The following SEMA6D variants were observed in gnomAD, a reference collection of about 807,000 sequenced individuals.
SEMA6D encodes the protein semaphorin-6D.
A neutral mutation model predicts 106.6 loss-of-function variants in SEMA6D; 35 were observed. That is an observed-to-expected ratio of 0.33 (90% CI 0.25 to 0.44). The LOEUF (loss-of-function observed/expected upper bound fraction) is 0.44, where lower values mean the gene tolerates loss of function less well. SEMA6D is among the 20% of genes least tolerant of loss of function. The pLI, the probability that SEMA6D is intolerant of heterozygous loss-of-function variation, is 1.00. For missense variants in SEMA6D, 1,185 were observed against 1,345.9 expected (o/e 0.88, Z 1.87); for synonymous variants, 499 against 487.7 (o/e 1.02, Z -0.31).
chr15:47,572,692 C>T (rs1220664112), intron 3 of SEMA6D, among the ~76,000 whole-genome samples: 1 of 152,150 alleles, frequency 6.6e-6, no homozygotes, highest in Non-Finnish European at 1.5e-5. Context: ...CACTTTCTTC[C>T]AATACAAGAA....
chr15:47,721,899 C>T (rs369753933), intron 1 of SEMA6D, among the ~76,000 whole-genome samples: 15 of 152,224 alleles, frequency 9.9e-5, no homozygotes, highest in African/African-American at 3.4e-4. Flanking sequence ...TCCTTGGCTA[C>T]AACAGGCTGC....
rs141720089 is a variant in SEMA6D at position 47,403,716 on chromosome 15, C to G, written c.-238-8677C>G. On this transcript the variant is annotated intron_variant, in intron 1 of 19. Transcript: ENST00000558014. ...GGGAGAGGTTAGGGAAAGAAGGGCC[C>G]TTCTAGTTAGAAGCAATAACATAGT... 1.4e-3 allele frequency among the ~76,000 whole-genome samples: 215 copies of G among 152,162 alleles called. 1 individual carries two copies. The highest frequency in any genetic ancestry group is 5.1e-3 in the African/African-American group (212 of 41,520).
At chr15:47,397,272 A>T (rs905446158) in intron 1 of SEMA6D, among the ~76,000 whole-genome samples, 4 of 152,204 alleles carry the variant, frequency 2.6e-5, no homozygotes, top group South Asian at 2.1e-4. Context: ...TCAGGCTAGA[A>T]ATACCAATCA....
chr15:47,350,910 A>G (rs1452593550), intron 1 of SEMA6D, among the ~76,000 whole-genome samples: 1 of 152,152 alleles, frequency 6.6e-6, no homozygotes. Context: ...TATGTATGAC[A>G]TGCTGGTTTG....
chr15:47,612,549 T>C (rs940386169), intron 4 of SEMA6D, among the ~76,000 whole-genome samples: 66 of 152,316 alleles, frequency 4.3e-4, no homozygotes, highest in African/African-American at 1.6e-3. Flanking sequence ...TTATTACTTC[T>C]TTTCTCTAAT....
intron 3 of SEMA6D, among the ~76,000 whole-genome samples, chr15:47,536,405 C>T (rs1293158351): frequency 6.6e-6 from 1 of 152,192 alleles, no homozygotes; most frequent in Non-Finnish European, 1.5e-5. Flanking sequence ...GAAAGGGTAT[C>T]CATTCTTATT....
chr15:47,247,825 G>A (rs1215546519), intron 1 of SEMA6D, among the ~76,000 whole-genome samples: 1 of 152,142 alleles, frequency 6.6e-6, no homozygotes, highest in African/African-American at 2.4e-5. Flanking sequence ...TTATCAGACC[G>A]TGTGGGGTCA....
intron 4 of SEMA6D, among the ~76,000 whole-genome samples, chr15:47,623,596 G>A (rs986723857): frequency 6.6e-6 from 1 of 152,182 alleles, no homozygotes; most frequent in African/African-American, 2.4e-5. Flanking sequence ...GCAGTAGTTT[G>A]TGAAGAGCAG....
intron 1 of SEMA6D, among the ~76,000 whole-genome samples, chr15:47,727,536 T>C (rs1377759886): frequency 4.6e-5 from 7 of 152,168 alleles, no homozygotes; most frequent in Non-Finnish European, 1.0e-4. Flanking sequence ...GGCCACTCAG[T>C]AGTAGATCTA....
intron 4 of SEMA6D, among the ~76,000 whole-genome samples, chr15:47,668,582 C>T (rs62000832): frequency 3.7e-4 from 56 of 152,342 alleles, no homozygotes; most frequent in South Asian, 1.7e-3. Context: ...AAGCCAAAGG[C>T]ATGCCTGAAC....
chr15:47,451,991 C>T (rs544240835), intron 2 of SEMA6D, among the ~76,000 whole-genome samples: 63 of 152,040 alleles, frequency 4.1e-4, no homozygotes, highest in African/African-American at 1.4e-3. Context: ...CCCACCTGAT[C>T]GCGTCTTTTT....
At chr15:47,534,380 A>G (rs2045083691) in intron 3 of SEMA6D, among the ~76,000 whole-genome samples, 1 of 151,812 alleles carries the variant, frequency 6.6e-6, no homozygotes, top group African/African-American at 2.4e-5. Flanking sequence ...ATGAGGTTTC[A>G]CCATATTGGC....
intron 4 of SEMA6D, among the ~76,000 whole-genome samples, chr15:47,688,083 C>G (rs1231986395): frequency 6.6e-6 from 1 of 151,882 alleles, no homozygotes; most frequent in Non-Finnish European, 1.5e-5. Flanking sequence ...TATGTAGTAA[C>G]TAAAACCATG....
At chr15:47,592,797 A>C (rs998602501) in intron 3 of SEMA6D, among the ~76,000 whole-genome samples, 10 of 152,334 alleles carry the variant, frequency 6.6e-5, no homozygotes, top group Middle Eastern at 3.4e-3. Context: ...AATACATTGC[A>C]TCCAATGATT....
At chr15:47,538,497 T>C (rs2142168993) in intron 3 of SEMA6D, among the ~76,000 whole-genome samples, 1 of 152,270 alleles carries the variant, frequency 6.6e-6, no homozygotes, top group East Asian at 1.9e-4. Context: ...AGTACTAATA[T>C]TAGAATATAT....
At chr15:47,493,867 A>C (rs1380116125) in intron 3 of SEMA6D, among the ~76,000 whole-genome samples, 8 of 152,258 alleles carry the variant, frequency 5.3e-5, no homozygotes, top group African/African-American at 1.9e-4. Flanking sequence ...AGTGCATTGG[A>C]GTTCTTTGTA....
At chr15:47,558,929 G>T (rs376339038) in intron 3 of SEMA6D, among the ~76,000 whole-genome samples, 23 of 152,176 alleles carry the variant, frequency 1.5e-4, no homozygotes, top group African/African-American at 5.5e-4. Flanking sequence ...TATAAAGGAG[G>T]CTGATTTTGA....
Position 47,454,599 on chromosome 15 carries a change from GCACACA to G in SEMA6D, c.-158-15852_-158-15847del, listed in dbSNP as rs71118183. ...GAGAGTTTACCATCCTTGCACATGT[GCACACA>G]CACACACACACACACACACACAGAG... On this transcript the variant is annotated intron_variant, in intron 2 of 19. Coordinates refer to the SEMA6D transcript ENST00000558014. Among the ~76,000 whole-genome samples the G allele has an allele frequency of 9.4e-3, 1,398 of 148,918 alleles. 24 individuals carry two copies. Among genetic ancestry groups the G allele is most frequent in the African/African-American group, 0.033 (1,327 of 40,468 alleles).
At chr15:47,630,591 C>G (rs1050708782) in intron 4 of SEMA6D, among the ~76,000 whole-genome samples, 14 of 151,544 alleles carry the variant, frequency 9.2e-5, no homozygotes, top group African/African-American at 3.1e-4. Context: ...TTTATTTCTT[C>G]TTCTTGCCTT....
Sources: allele counts gnomAD v4.1 joint callset (sites outside exome capture counted in the v4.1 genomes callset), GRCh38; gene constraint gnomAD v4.1.1; transcripts MANE v1.5; gene names NCBI Gene and HGNC (gene_info 2026-07-23, HGNC 2026-07-21).